MED13L: variants seen among roughly 807,000 people sequenced by gnomAD.
MED13L encodes mediator of RNA polymerase II transcription subunit 13-like.
A neutral mutation model predicts 220.9 loss-of-function variants in MED13L; 7 were observed. The ratio of observed to expected loss-of-function variants is 0.03; its 90% CI spans 0.02 to 0.06. The LOEUF (loss-of-function observed/expected upper bound fraction) is 0.06. Ranked by LOEUF, MED13L falls within the 10% of genes least tolerant of loss-of-function variation. The probability of loss-of-function intolerance (pLI) is 1.00; values close to 1 mark genes in which losing one functional copy is unlikely to be tolerated. For missense variants in MED13L, 1,965 were observed against 2,760.5 expected, an observed-to-expected ratio of 0.71 and a Z score of 6.46; for synonymous variants, 1,011 against 1,015.2, an observed-to-expected ratio of 1.00 and a Z score of 0.08.
chr12:116,117,130 C>A (rs1000692047), intron 2 of MED13L, among the ~76,000 whole-genome samples: 2 of 151,864 alleles, frequency 1.3e-5, no homozygotes, highest in African/African-American at 4.8e-5. Context: ...AAAGGAACTT[C>A]CAATACAAGA....
intron 1 of MED13L, among the ~76,000 whole-genome samples, chr12:116,265,496 T>C (rs920901568): frequency 3.9e-5 from 6 of 152,230 alleles, no homozygotes; most frequent in African/African-American, 1.4e-4. Context: ...ATAGTTTCTA[T>C]ATCGTCTTGG....
At chr12:116,046,780 T>C (rs1881861361) in intron 4 of MED13L, among the ~76,000 whole-genome samples, 1 of 152,154 alleles carries the variant, frequency 6.6e-6, no homozygotes, top group South Asian at 2.1e-4. Context: ...GAGACCACCC[T>C]GGCTAACACA....
At chr12:116,051,071 T>C (rs1162752974) in intron 4 of MED13L, among the ~76,000 whole-genome samples, 1 of 152,172 alleles carries the variant, frequency 6.6e-6, no homozygotes, top group African/African-American at 2.4e-5. Flanking sequence ...AATACCTAAA[T>C]TAGGAAGCCC....
At chr12:116,083,457 T>C (rs1871376298) in intron 4 of MED13L, among the ~76,000 whole-genome samples, 1 of 144,280 alleles carries the variant, frequency 6.9e-6, no homozygotes, top group Admixed American at 6.9e-5. Flanking sequence ...ACATCATCCC[T>C]ACTCAGGGTT....
At chr12:116,237,409 T>C in intron 2 of MED13L, 59 bp downstream of exon 2, 1 of 1,313,544 alleles carries the variant, frequency 7.6e-7, no homozygotes, top group Non-Finnish European at 1.1e-6. Context: ...GTTTGAAATT[T>C]ATCAATGTTC....
At chr12:115,974,257 T>C (rs887689615) in intron 25 of MED13L, among the ~76,000 whole-genome samples, 7 of 152,226 alleles carry the variant, frequency 4.6e-5, no homozygotes, top group African/African-American at 1.4e-4. Context: ...TCTGGCCATT[T>C]ACAAAGAAAC....
intron 17 of MED13L, among the ~76,000 whole-genome samples, chr12:115,989,550 C>T (rs117118973): frequency 0.011 from 1,681 of 152,154 alleles, 14 homozygotes; most frequent in Middle Eastern, 0.048. Context: ...TATATGCCAA[C>T]CACTCCCTCT....
intron 2 of MED13L, among the ~76,000 whole-genome samples, chr12:116,137,811 T>C (rs1048821903): frequency 4.0e-5 from 6 of 151,718 alleles, no homozygotes; most frequent in Admixed American, 2.0e-4. Flanking sequence ...CAGTAAGAGC[T>C]CAATAAATGC....
intron 5 of MED13L, among the ~76,000 whole-genome samples, chr12:116,020,427 A>G (rs1346849764): frequency 1.3e-5 from 2 of 152,228 alleles, no homozygotes; most frequent in Non-Finnish European, 2.9e-5. Flanking sequence ...ATCATTCAAC[A>G]TGGAGACCGC....
intron 17 of MED13L, 113 bp downstream of exon 17, chr12:115,990,907 T>G (rs1011476391): frequency 1.8e-6 from 2 of 1,129,030 alleles, no homozygotes; most frequent in Non-Finnish European, 2.6e-6. Context: ...TTCTTTTTTT[T>G]CCCCCGAAAG....
chr12:116,184,124 A>G (rs1880724302), intron 2 of MED13L, among the ~76,000 whole-genome samples: 1 of 152,162 alleles, frequency 6.6e-6, no homozygotes, highest in Non-Finnish European at 1.5e-5. Context: ...GTTTCAACAA[A>G]TGTACTATTC....
intron 2 of MED13L, among the ~76,000 whole-genome samples, chr12:116,171,652 ATC>A (rs1325526474): frequency 2.6e-5 from 4 of 152,182 alleles, no homozygotes; most frequent in African/African-American, 9.7e-5. Context: ...CACTCCAGAT[ATC>A]TCTGATGAAG....
Position 115,983,185 on chromosome 12 carries a change from G to A in MED13L, c.4887C>T (p.Asn1629=), listed in dbSNP as rs1877451435. ...GGTCAGTGTCTCCACCACAGCCTAT[G>A]TTCCCTTGCGTTCTATCCGCAGAAA... ...GGISADRTQG[N]IGCGGDTDPG... Residue 1629 remains asparagine, a synonymous_variant, in exon 21 of 31, where the codon AAC becomes AAT. Coordinates refer to ENST00000281928, the MANE Select transcript of MED13L (RefSeq NM_015335.5). 3 of 1,614,182 alleles carry A rather than the reference G, an allele frequency of 1.9e-6. No homozygotes were observed. Among genetic ancestry groups the A allele is most frequent in the Middle Eastern group, 3.3e-4 (2 of 6,062 alleles).
At chr12:115,994,127 C>A (rs1378480815) in intron 16 of MED13L, among the ~76,000 whole-genome samples, 1 of 152,190 alleles carries the variant, frequency 6.6e-6, no homozygotes, top group Non-Finnish European at 1.5e-5. Context: ...AAGCTGATGA[C>A]TGCCATAGTG....
At chr12:116,060,231 A>G (rs1458555716) in intron 4 of MED13L, among the ~76,000 whole-genome samples, 1 of 152,078 alleles carries the variant, frequency 6.6e-6, no homozygotes, top group Non-Finnish European at 1.5e-5. Context: ...TATTCGAATT[A>G]GACACATTTC....
intron 22 of MED13L, 128 bp downstream of exon 22, chr12:115,982,256 T>C: frequency 2.1e-6 from 2 of 940,038 alleles, no homozygotes; most frequent in East Asian, 2.6e-5. Context: ...CTCTGGTTCC[T>C]AGTATTTTGG....
rs558390796 is a variant in MED13L, at chr12:116,077,817, TG to T, written c.479+18851del. Among the ~76,000 whole-genome samples the T allele has an allele frequency of 8.4e-4, 128 of 152,302 alleles. 1 individual carries two copies. Among genetic ancestry groups the T allele is most frequent in the African/African-American group, 2.8e-3 (115 of 41,574 alleles). On this transcript the variant is annotated intron_variant, in intron 4 of 30. Transcript: ENST00000281928. ...TAAATAGGACAGAGAGCTTATCTAC[TG>T]AAAGGAAAACATTTTTTAGGTATAC...
intron 26 of MED13L, 87 bp downstream of exon 26, chr12:115,971,991 C>A: frequency 7.0e-7 from 1 of 1,421,606 alleles, no homozygotes; most frequent in East Asian, 2.4e-5. Context: ...ATAATGAAGA[C>A]AATTCTACCC....
chr12:116,004,756 C>T (rs1878946611), intron 13 of MED13L, among the ~76,000 whole-genome samples: 1 of 152,110 alleles, frequency 6.6e-6, no homozygotes, highest in African/African-American at 2.4e-5. Context: ...TTCTTCCAGA[C>T]CATTATGATC....
Sources: allele counts gnomAD v4.1 joint callset (sites outside exome capture counted in the v4.1 genomes callset), GRCh38; gene constraint gnomAD v4.1.1; transcripts MANE v1.5; gene names NCBI Gene and HGNC (gene_info 2026-07-23, HGNC 2026-07-21).